The following GAS7 variants were observed in gnomAD, a reference collection of about 807,000 sequenced individuals.
The protein encoded by GAS7 is growth arrest specific 7, also known as growth arrest-specific protein 7.
A neutral mutation model predicts 71.1 loss-of-function variants in GAS7; 28 were observed. The observed-to-expected ratio is 0.39, with a 90% CI of 0.29 to 0.54. The LOEUF (loss-of-function observed/expected upper bound fraction) is 0.54. Ranked by LOEUF, GAS7 falls within the 20% of genes least tolerant of loss-of-function variation. The pLI, the probability that GAS7 is intolerant of heterozygous loss-of-function variation, is 0.62. For missense variants in GAS7, 436 were observed against 627.8 expected, an observed-to-expected ratio of 0.69 and a Z score of 3.27; for synonymous variants, 258 against 245.8, an observed-to-expected ratio of 1.05 and a Z score of -0.46.
chr17:10,164,946 C>G (rs558823356), intron 1 of GAS7, among the ~76,000 whole-genome samples: 1 of 150,638 alleles, frequency 6.6e-6, no homozygotes, highest in Non-Finnish European at 1.5e-5. Flanking sequence ...GTCAGGAGTT[C>G]GAGACCAGCC....
chr17:10,029,013 T>A (rs1282338297), intron 1 of GAS7, among the ~76,000 whole-genome samples: 1 of 152,204 alleles, frequency 6.6e-6, no homozygotes, highest in East Asian at 1.9e-4. Context: ...GTTCCAGAGC[T>A]GGGCCACACG....
intron 1 of GAS7, among the ~76,000 whole-genome samples, chr17:10,058,208 A>G (rs1283564765): frequency 6.6e-6 from 1 of 152,166 alleles, no homozygotes; most frequent in Non-Finnish European, 1.5e-5. Flanking sequence ...GACCCTGCCA[A>G]ATCTCCCAAT....
chr17:10,176,735 A>G (rs1453489025), intron 1 of GAS7, among the ~76,000 whole-genome samples: 4 of 152,104 alleles, frequency 2.6e-5, no homozygotes, highest in African/African-American at 9.7e-5. Flanking sequence ...TCACTTGCCA[A>G]TCCTGGGAGT....
Position 9,974,067 on chromosome 17 carries a change from G to A in GAS7, c.386-4305C>T, listed in dbSNP as rs987265015. Among the ~76,000 whole-genome samples, 1 of 152,114 alleles carries A rather than the reference G, an allele frequency of 6.6e-6. No homozygotes were observed. The highest frequency in any genetic ancestry group is 2.4e-5 in the African/African-American group (1 of 41,412). The stretch of plus-strand genomic sequence containing the variant: ...CCCACACTTGCAGCCGCCAGGAACT[G>A]TCTAAAGAGGAGACATTTTGCCCCT... On this transcript the variant is annotated intron_variant, in intron 3 of 13. Transcript: ENST00000432992. The surrounding 1 kb of genome is among the most constrained non-coding windows in gnomAD (Gnocchi z 4.0).
intron 5 of GAS7, among the ~76,000 whole-genome samples, chr17:9,950,256 C>T (rs962835266): frequency 1.3e-5 from 2 of 152,054 alleles, no homozygotes; most frequent in Admixed American, 6.6e-5. Context: ...ATCTGTAATC[C>T]CAAGACTTTG....
intron 1 of GAS7, among the ~76,000 whole-genome samples, chr17:10,068,019 C>T (rs753087671): frequency 6.6e-6 from 1 of 152,178 alleles, no homozygotes; most frequent in Non-Finnish European, 1.5e-5. Flanking sequence ...TGGTCATTCC[C>T]ATGAAAACTA....
At chr17:10,041,613 C>T (rs1308278220) in intron 1 of GAS7, among the ~76,000 whole-genome samples, 8 of 152,186 alleles carry the variant, frequency 5.3e-5, no homozygotes, top group Non-Finnish European at 8.8e-5. Context: ...GGAAGACTCA[C>T]GAATACATTC....
chr17:10,115,037 G>GTCT (rs1381842742), intron 1 of GAS7, among the ~76,000 whole-genome samples: 4 of 151,672 alleles, frequency 2.6e-5, no homozygotes, highest in African/African-American at 7.3e-5. Flanking sequence ...CTGTCTGTCT[G>GTCT]GCTGGCTGGC....
At chr17:9,990,745 G>A (rs2070809899) in intron 2 of GAS7, among the ~76,000 whole-genome samples, 1 of 152,178 alleles carries the variant, frequency 6.6e-6, no homozygotes, top group Non-Finnish European at 1.5e-5. Flanking sequence ...AGAGGTAATG[G>A]GGGCCAGATT....
chr17:10,008,309 T>C (rs1163289340), intron 2 of GAS7, among the ~76,000 whole-genome samples: 1 of 152,206 alleles, frequency 6.6e-6, no homozygotes, highest in Non-Finnish European at 1.5e-5. Flanking sequence ...ATTCTACACA[T>C]TTGTTTTTGT....
At chr17:10,141,383 G>C (rs1354834867) in intron 1 of GAS7, among the ~76,000 whole-genome samples, 1 of 152,132 alleles carries the variant, frequency 6.6e-6, no homozygotes, top group Non-Finnish European at 1.5e-5. Context: ...GGGAGACGGA[G>C]CTTGCAGTGA....
chr17:9,919,268 G>A lies in GAS7; in HGVS notation c.1218+358C>T, dbSNP rs1030192617. On this transcript the variant is annotated intron_variant, in intron 12 of 13. Transcript: ENST00000432992. The surrounding 1 kb of genome is among the most constrained non-coding windows in gnomAD (Gnocchi z 5.0). ...CCAAGGACCTGCAACTCGTGTGTGT[G>A]CATGTGTGGGGCGGTCCTCTCTTCC... Among the ~76,000 whole-genome samples the A allele has an allele frequency of 6.6e-6, 1 of 152,088 alleles. No homozygotes were observed. The highest frequency in any genetic ancestry group is 1.9e-4 in the East Asian group (1 of 5,182).
chr17:10,102,887 T>C (rs967750562), intron 1 of GAS7, among the ~76,000 whole-genome samples: 2 of 152,088 alleles, frequency 1.3e-5, no homozygotes, highest in Non-Finnish European at 2.9e-5. Context: ...CAAATGAATG[T>C]TCAATAGGCG....
chr17:10,167,891 A>G (rs960007180), intron 1 of GAS7, among the ~76,000 whole-genome samples: 1 of 151,748 alleles, frequency 6.6e-6, no homozygotes, highest in Admixed American at 6.6e-5. Context: ...TAGAGACGGG[A>G]TTTTGTCATG....
At chr17:9,918,150 G>A (rs4791911) in intron 12 of GAS7, 51 bp from the exon 13 acceptor site, 1 of 1,370,662 alleles carries the variant, frequency 7.3e-7, no homozygotes, top group Non-Finnish European at 1.0e-6. Flanking sequence ...CCTCCACTTG[G>A]GGGTCCCCCC....
At chr17:10,106,770 G>C (rs543018637) in intron 1 of GAS7, among the ~76,000 whole-genome samples, 100 of 56,282 alleles carry the variant, frequency 1.8e-3, no homozygotes, top group Admixed American at 5.7e-3. Flanking sequence ...GCTGTGGTAG[G>C]CTTGAAAGTG....
In GAS7 at chr17:9,919,965, CA is replaced by C. The variant is rs1191412537; in HGVS notation, c.1139-261del. Among the ~76,000 whole-genome samples the C allele has an allele frequency of 8.1e-6, 1 of 123,654 alleles. No homozygotes were observed. Among genetic ancestry groups the C allele is most frequent in the Non-Finnish European group, 1.7e-5 (1 of 57,668 alleles). The allele number at this position is 123,654 out of a possible 152,430, so 81.1% of individuals were successfully genotyped here. ...ACCAAGGATTCAGGATGGTGGTTCT[CA>C]TTTTGTGTGTGTGTGTGTGTGTGTG... On this transcript the variant is annotated intron_variant, in intron 11 of 13. Transcript: ENST00000432992. This position sits in a 1 kb window ranked among gnomAD's most constrained non-coding sequence, Gnocchi z 5.0.
chr17:10,005,120 C>T (rs561329596), intron 2 of GAS7, among the ~76,000 whole-genome samples: 21 of 117,266 alleles, frequency 1.8e-4, no homozygotes, highest in African/African-American at 5.8e-4. Context: ...TGCGTGTGCA[C>T]GCATACCAGC....
chr17:10,132,410 C>T (rs1387501799), intron 1 of GAS7, among the ~76,000 whole-genome samples: 1 of 152,186 alleles, frequency 6.6e-6, no homozygotes, highest in African/African-American at 2.4e-5. Flanking sequence ...TTTGTCTACT[C>T]GGGCCTGACT....
Sources: gnomAD v4.1 joint callset for allele counts (sites outside exome capture counted in the v4.1 genomes callset) on GRCh38, gnomAD v4.1.1 for gene constraint, Gnocchi (gnomAD v3.1) non-coding constraint, MANE v1.5 for transcripts, NCBI Gene and HGNC (gene_info 2026-07-23, HGNC 2026-07-21) for gene names.